Variants in FOXP1 observed in about 807,000 individuals in gnomAD.
The protein encoded by FOXP1 is forkhead box protein P1.
A neutral mutation model predicts 98.2 loss-of-function variants in FOXP1; 15 were observed. The ratio of observed to expected loss-of-function variants is 0.15; its 90% CI spans 0.10 to 0.24. The LOEUF is 0.24. Ranked by LOEUF, FOXP1 falls within the 10% of genes least tolerant of loss-of-function variation. FOXP1 has a pLI of 1.00. For missense variants in FOXP1, 633 were observed against 848.5 expected, an observed-to-expected ratio of 0.75 and a Z score of 3.15; for synonymous variants, 371 against 314.5, an observed-to-expected ratio of 1.18 and a Z score of -1.90.
chr3:71,217,332 C>T (rs1439298572), intron 5 of FOXP1, among the ~76,000 whole-genome samples: 1 of 152,146 alleles, frequency 6.6e-6, no homozygotes, highest in Non-Finnish European at 1.5e-5. Context: ...CTTGGCCTCG[C>T]AAAGTGCTAG....
Position 70,959,204 on chromosome 3 carries a change from C to CTTTTTTTTTTT in FOXP1, c.*42_*43insAAAAAAAAAAA. 1 of 1,430,738 alleles carries CTTTTTTTTTTT rather than the reference C, an allele frequency of 7.0e-7. No individual in the cohort carries two copies. The highest frequency in any genetic ancestry group is 9.5e-7 in the Non-Finnish European group (1 of 1,054,602). 88.6% of individuals were successfully genotyped at this position (1,430,738 alleles called of 1,614,324 possible). ...ACTTTTGACGTGTTTTTTTTTTTTT[C>CTTTTTTTTTTT]CTTTTTCCAATCTTCATTCTCGGGG... On this transcript the variant is annotated 3_prime_UTR_variant, in exon 21 of 21. Coordinates refer to ENST00000649528, the MANE Select transcript of FOXP1 (RefSeq NM_001349338.3).
At chr3:71,440,501 C>A (rs187367026) in intron 3 of FOXP1, among the ~76,000 whole-genome samples, 5 of 152,064 alleles carry the variant, frequency 3.3e-5, no homozygotes, top group Admixed American at 6.5e-5. Flanking sequence ...TATGGTGAAA[C>A]CCCGTCTCTA....
At chr3:71,329,179 C>T (rs1485859590) in intron 4 of FOXP1, among the ~76,000 whole-genome samples, 1 of 151,954 alleles carries the variant, frequency 6.6e-6, no homozygotes, top group Non-Finnish European at 1.5e-5. Flanking sequence ...ATGATCCCGT[C>T]ACCCACTGAG....
intron 3 of FOXP1, among the ~76,000 whole-genome samples, chr3:71,368,309 A>G (rs1455227497): frequency 6.6e-6 from 1 of 151,872 alleles, no homozygotes; most frequent in African/African-American, 2.4e-5. Flanking sequence ...TATTTTTAGG[A>G]GAGATGGGGT....
chr3:71,066,302 C>G (rs934178643), intron 7 of FOXP1, among the ~76,000 whole-genome samples: 3 of 152,170 alleles, frequency 2.0e-5, no homozygotes, highest in African/African-American at 7.2e-5. Flanking sequence ...GTAAAAGAGA[C>G]AAGCGCGAAG....
chr3:71,159,026 A>G (rs2060998097), intron 6 of FOXP1, among the ~76,000 whole-genome samples: 1 of 148,606 alleles, frequency 6.7e-6, no homozygotes. Flanking sequence ...GAATCCCTGG[A>G]GCCCAGGAGG....
chr3:71,305,692 C>G (rs1052477390), intron 4 of FOXP1: 1 of 152,190 alleles, frequency 6.6e-6, no homozygotes, highest in African/African-American at 2.4e-5. Context: ...CCTTTCTCTG[C>G]GAGTCCAAAA....
Position 71,325,053 on chromosome 3 carries a change from ATTTTTT to A in FOXP1, c.-72-25179_-72-25174del, listed in dbSNP as rs71120312. 9.6e-5 allele frequency among the ~76,000 whole-genome samples: 13 copies of A among 136,040 alleles called. No homozygotes were observed. In the South Asian group the frequency reaches 3.0e-3, roughly 32 times the overall value. 89.2% of individuals were successfully genotyped at this position (136,040 alleles called of 152,430 possible). A position where few individuals can be genotyped will look rare whatever the true frequency, so the allele number is the denominator to read the frequency against. ...GAGTTGCTGTAGGTATAATCCCTTGATTTTTTTTTTTTTTTTTGAGATGTTGTCTTG... is the reference window on the plus strand; with the variant it reads ...GAGTTGCTGTAGGTATAATCCCTTGATTTTTTTTTTTGAGATGTTGTCTTG... On this transcript the variant is annotated intron_variant, in intron 4 of 20. Transcript: ENST00000649528.
intron 6 of FOXP1, among the ~76,000 whole-genome samples, chr3:71,142,896 T>A (rs2060136993): frequency 6.6e-6 from 1 of 151,762 alleles, no homozygotes; most frequent in Non-Finnish European, 1.5e-5. Context: ...TATAAAAGAG[T>A]TTCTCTTAAT....
intron 6 of FOXP1, among the ~76,000 whole-genome samples, chr3:71,151,659 C>CTTT (rs1308025813): frequency 3.1e-4 from 20 of 63,762 alleles, no homozygotes; most frequent in East Asian, 2.6e-3. Flanking sequence ...ATGTCTAAAA[C>CTTT]ATTTTTTTTT....
chr3:71,243,964 C>A (rs528796059), intron 5 of FOXP1, among the ~76,000 whole-genome samples: 1 of 152,232 alleles, frequency 6.6e-6, no homozygotes, highest in African/African-American at 2.4e-5. Flanking sequence ...GGAATTAAAG[C>A]AATTAGACCA....
intron 3 of FOXP1, among the ~76,000 whole-genome samples, chr3:71,454,618 A>C (rs2108511338): frequency 6.6e-6 from 1 of 152,224 alleles, no homozygotes; most frequent in South Asian, 2.1e-4. Context: ...CATTTTGACA[A>C]GATCTGCAGC....
At chr3:71,275,586 T>C (rs2070798945) in intron 5 of FOXP1, among the ~76,000 whole-genome samples, 1 of 152,230 alleles carries the variant, frequency 6.6e-6, no homozygotes. Context: ...AGCAGGTGTC[T>C]TTGATGGACG....
At chr3:71,380,939 T>TAGTA (rs1157302198) in intron 3 of FOXP1, among the ~76,000 whole-genome samples, 1 of 152,182 alleles carries the variant, frequency 6.6e-6, no homozygotes, top group East Asian at 1.9e-4. Flanking sequence ...TAAAACATGC[T>TAGTA]AGTAAAACGT....
At chr3:71,554,246 C>T (rs532169867) in intron 2 of FOXP1, among the ~76,000 whole-genome samples, 3 of 152,030 alleles carry the variant, frequency 2.0e-5, no homozygotes, top group Admixed American at 6.6e-5. Flanking sequence ...CCCAGCTACT[C>T]GGAAATCTGA....
chr3:71,531,429 G>A (rs537170219), intron 2 of FOXP1, among the ~76,000 whole-genome samples: 1 of 152,170 alleles, frequency 6.6e-6, no homozygotes, highest in East Asian at 1.9e-4. Context: ...CCCTCAACAG[G>A]AAAAGACCTC....
intron 5 of FOXP1, among the ~76,000 whole-genome samples, chr3:71,268,090 C>CT (rs754818021): frequency 0.014 from 1,410 of 100,368 alleles, 47 homozygotes; most frequent in East Asian, 0.068. Context: ...CTTTTCTTTT[C>CT]TTTTTTTTTT....
chr3:71,443,889 T>TTA (rs761094010), intron 3 of FOXP1, among the ~76,000 whole-genome samples: 4 of 152,168 alleles, frequency 2.6e-5, no homozygotes, highest in Non-Finnish European at 4.4e-5. Flanking sequence ...GAATACTATT[T>TTA]CCCCTTTTAC....
chr3:71,473,545 T>A (rs2089546543), intron 3 of FOXP1, among the ~76,000 whole-genome samples: 1 of 152,080 alleles, frequency 6.6e-6, no homozygotes, highest in Admixed American at 6.6e-5. Flanking sequence ...AAAAACCACC[T>A]ATAACCCAAG....
Sources: gnomAD v4.1 joint callset for allele counts (sites outside exome capture counted in the v4.1 genomes callset) on GRCh38, gnomAD v4.1.1 for gene constraint, MANE v1.5 for transcripts, NCBI Gene and HGNC (gene_info 2026-07-23, HGNC 2026-07-21) for gene names.